The following CNOT7 variants were observed in gnomAD, a reference collection of about 807,000 sequenced individuals.
CNOT7 encodes the protein CCR4-NOT transcription complex subunit 7.
In CNOT7, 4 loss-of-function variants were observed where a neutral mutation model predicts 37.1. That is an observed-to-expected ratio of 0.11 (90% CI 0.05 to 0.25). The LOEUF (loss-of-function observed/expected upper bound fraction) is 0.25, where lower values mean the gene tolerates loss of function less well. Among genes scored for constraint, CNOT7 ranks in the 10% least tolerant of loss-of-function variants. CNOT7 has a pLI of 1.00. For synonymous variants in CNOT7, 128 were observed against 115.6 expected, an observed-to-expected ratio of 1.11 and a Z score of -0.69; for missense variants, 170 against 336.2, an observed-to-expected ratio of 0.51 and a Z score of 3.87.
chr8:17,231,489 A>T, intron 6 of CNOT7: 1 of 980,152 alleles, frequency 1.0e-6, no homozygotes, highest in Non-Finnish European at 1.2e-6. Flanking sequence ...GGATAGTCCA[A>T]ATCACTTCTG....
chr8:17,242,959 A>G (rs1563209458), intron 3 of CNOT7, 33 bp downstream of exon 3: 2 of 1,464,980 alleles, frequency 1.4e-6, no homozygotes, highest in Non-Finnish European at 1.8e-6. Context: ...AAAAAAAAAA[A>G]AAGTCTGGGT....
chr8:17,237,259 A>C lies in CNOT7; in HGVS notation c.426T>G (p.Thr142=), dbSNP rs1488437768. The C allele has an allele frequency of 6.2e-7, 1 of 1,614,122 alleles. No homozygotes were observed. The highest frequency in any genetic ancestry group is 8.5e-7 in the Non-Finnish European group (1 of 1,179,970). ...CCCCTTCACAGAGGACCACTCCAGAAGTCATAAGAAGTTCTGCAAAGTACT... is the reference window on the plus strand; with the variant it reads ...CCCCTTCACAGAGGACCACTCCAGACGTCATAAGAAGTTCTGCAAAGTACT... ...ETQYFAELLM[T]SGVVLCEGVK... is the part of the protein sequence containing the mutation. Residue 142 remains threonine (T), a synonymous_variant, in exon 4 of 7, where the codon ACT becomes ACG. Transcript: ENST00000361272.
Position 17,230,172 on chromosome 8 carries a change from A to G in CNOT7, c.*548T>C, listed in dbSNP as rs1164616392. 1 of 152,540 alleles carries G rather than the reference A, an allele frequency of 6.6e-6. No individual in the cohort carries two copies. The highest frequency in any genetic ancestry group is 1.9e-4 in the East Asian group (1 of 5,198). 9.4% of individuals were successfully genotyped at this position (152,540 alleles called of 1,614,324 possible). On this transcript the variant is annotated 3_prime_UTR_variant, in exon 7 of 7. Transcript: ENST00000361272. ...GAATCGACAGTTTGCACAACGTGCTATATTCTGTGGGTCAAAACCAAGTAA... is the reference window on the plus strand; with the variant it reads ...GAATCGACAGTTTGCACAACGTGCTGTATTCTGTGGGTCAAAACCAAGTAA...
intron 5 of CNOT7, among the ~76,000 whole-genome samples, chr8:17,234,325 C>A (rs1809044315): frequency 1.3e-5 from 2 of 152,218 alleles, no homozygotes; most frequent in Admixed American, 1.3e-4. Flanking sequence ...CTGCATATCG[C>A]TGGCCACCTT....
Position 17,228,859 on chromosome 8 carries a change from A to C in CNOT7, c.*1861T>G, listed in dbSNP as rs770952775. 1.1e-4 allele frequency: 16 copies of C among 152,018 alleles called. No homozygotes were observed. Among genetic ancestry groups the C allele is most frequent in the South Asian group, 2.1e-4 (1 of 4,830 alleles). 9.4% of individuals were successfully genotyped at this position (152,018 alleles called of 1,614,324 possible). On this transcript the variant is annotated 3_prime_UTR_variant, in exon 7 of 7. Transcript: ENST00000361272. ...CAGCTAACAAATCACAAGCGAAAAG[A>C]AGCTTCACTTCCTTTTTAACGAAGA...
rs550591272 is a variant in CNOT7 at position 17,228,672 on chromosome 8, G to T, written c.*2048C>A. 14 of 151,892 alleles carry T rather than the reference G, an allele frequency of 9.2e-5. No individual in the cohort carries two copies. The highest frequency in any genetic ancestry group is 1.8e-4 in the Non-Finnish European group (12 of 67,838). The allele number at this position is 151,892 out of a possible 1,614,324, so 9.4% of individuals were successfully genotyped here. On this transcript the variant is annotated 3_prime_UTR_variant, in exon 7 of 7. Transcript: ENST00000361272. Reference sequence around the variant, plus strand: ...TGAAAAATCATTAAGTCGAAAGTAAGTTAGGGATTATCTATACTTTTTAGG... The same window carrying T: ...TGAAAAATCATTAAGTCGAAAGTAATTTAGGGATTATCTATACTTTTTAGG...
At chr8:17,243,827 T>C (rs542076464) in intron 2 of CNOT7, among the ~76,000 whole-genome samples, 14 of 152,326 alleles carry the variant, frequency 9.2e-5, no homozygotes, top group African/African-American at 3.1e-4. Context: ...ATTTTAGTTC[T>C]AATCATGGGT....
rs773465542 is a variant in CNOT7, at chr8:17,237,295, T to G, written c.390A>C (p.Gly130=). The change falls in exon 4 of 7, where the codon GGA becomes GGC. Residue 130 remains glycine (G), a synonymous_variant. Transcript: ENST00000361272. The part of the protein sequence containing the change: ...GIQFKKHEEE[G]IETQYFAELL... ...GTTCTGCAAAGTACTGGGTTTCAAT[T>G]CCTTCCTCCTCATGTTTTTTAAACT... 2.5e-6 allele frequency: 4 copies of G among 1,613,970 alleles called. No homozygotes were observed. The Admixed American group carries it at 5.0e-5, about 20-fold the overall frequency.
intron 6 of CNOT7, among the ~76,000 whole-genome samples, chr8:17,231,288 T>A (rs1388253568): frequency 6.6e-6 from 1 of 152,044 alleles, no homozygotes; most frequent in Admixed American, 6.6e-5. Context: ...AATCCAAACA[T>A]TCACACTCTA....
chr8:17,237,068 C>A (rs1809466603), intron 4 of CNOT7, 144 bp downstream of exon 4: 3 of 730,004 alleles, frequency 4.1e-6, no homozygotes, highest in Non-Finnish European at 6.8e-6. Flanking sequence ...CCAACATTAG[C>A]CTCCTAAGAG....
Position 17,243,161 on chromosome 8 carries a change from C to T in CNOT7, c.142G>A (p.Ala48Thr). The T allele has an allele frequency of 6.2e-7, 1 of 1,601,448 alleles. No homozygotes were observed. The highest frequency in any genetic ancestry group is 1.8e-5 in the Admixed American group (1 of 56,098). ...CTCCTGAATTCTCCAATGGGTCTTG[C>T]AACCACACCTGGAAACTCGGTGTCC... ...AMDTEFPGVVARPIGEFRSNA... is the reference protein window; with the variant it reads ...AMDTEFPGVVTRPIGEFRSNA... Residue 48 changes from alanine to threonine, a missense_variant, in exon 3 of 7, where the codon GCA (alanine) becomes ACA (threonine). By Grantham distance (58) the Ala-to-Thr change is moderately conservative. This residue lies in a region of CNOT7 where 18 missense variants were observed against 57.0 expected (regional missense o/e 0.32). Transcript: ENST00000361272.
chr8:17,246,674 C>G lies in CNOT7; in HGVS notation c.-96+1G>C, dbSNP rs1417033249. The G allele has an allele frequency of 6.0e-6, 1 of 166,728 alleles. No homozygotes were observed. The highest frequency in any genetic ancestry group is 1.9e-4 in the East Asian group (1 of 5,278). 10.3% of individuals were successfully genotyped at this position (166,728 alleles called of 1,614,324 possible). ...AAGGCTGCAGCGGATGCAAGATCTACTTGTGTCGCTGAGCTCGCGCTCCTC... is the reference window on the plus strand; with the variant it reads ...AAGGCTGCAGCGGATGCAAGATCTAGTTGTGTCGCTGAGCTCGCGCTCCTC... On this transcript the variant is annotated splice_donor_variant, in intron 1 of 6. Transcript: ENST00000361272. LOFTEE classifies it low-confidence loss of function (5UTR_SPLICE).
intron 3 of CNOT7, among the ~76,000 whole-genome samples, chr8:17,241,059 G>A (rs567528380): frequency 7.5e-4 from 114 of 152,260 alleles, no homozygotes; most frequent in African/African-American, 2.6e-3. Flanking sequence ...TAGACTGTGC[G>A]TGTGTGTATA....
At chr8:17,233,991 T>A (rs1034904777) in intron 5 of CNOT7, among the ~76,000 whole-genome samples, 2 of 152,000 alleles carry the variant, frequency 1.3e-5, no homozygotes, top group Non-Finnish European at 2.9e-5. Flanking sequence ...GAGGCGGAGG[T>A]TGCAGTGAGC....
At chr8:17,246,371 C>G (rs1009633448) in intron 1 of CNOT7, 1 of 152,594 alleles carries the variant, frequency 6.6e-6, no homozygotes, top group Non-Finnish European at 1.5e-5. Context: ...ACACTGACTC[C>G]CAAGCACTGC....
At chr8:17,231,412 G>T in intron 6 of CNOT7, 1 of 494,528 alleles carries the variant, frequency 2.0e-6, no homozygotes, top group Non-Finnish European at 2.6e-6. Flanking sequence ...AAATCCAAAA[G>T]GTTGTTTCAA....
chr8:17,242,736 G>C (rs911901422), intron 3 of CNOT7: 1 of 297,562 alleles, frequency 3.4e-6, no homozygotes, highest in African/African-American at 2.2e-5. Flanking sequence ...TCTATCAGAA[G>C]TACTTTCAAT....
In CNOT7 at chr8:17,228,762, C is replaced by CTT. The variant is rs1808323406; in HGVS notation, c.*1956_*1957dup. ...ACTATGTGGCTAATAAAAAGGCAAT[C>CTT]TTTATCATTCCTATTTGAAATCCAG... On this transcript the variant is annotated 3_prime_UTR_variant, in exon 7 of 7. Transcript: ENST00000361272. 6.6e-6 allele frequency: 1 copy of CTT among 151,944 alleles called. No homozygotes were observed. Among genetic ancestry groups the CTT allele is most frequent in the African/African-American group, 2.4e-5 (1 of 41,428 alleles). The allele number at this position is 151,944 out of a possible 1,614,324, so 9.4% of individuals were successfully genotyped here. A position where few individuals can be genotyped will look rare whatever the true frequency, so the allele number is the denominator to read the frequency against.
rs1455076153 is a variant in CNOT7, at chr8:17,225,594, A to C, written c.*5126T>G. The stretch of plus-strand genomic sequence containing the variant: ...TGGAAATTGTCTAGTGATAATGTAC[A>C]TGAATCTTGTTTTCTTGGAATTTTC... On this transcript the variant is annotated 3_prime_UTR_variant, in exon 7 of 7. Transcript: ENST00000361272. The C allele has an allele frequency of 6.6e-6, 1 of 151,830 alleles. No individual in the cohort carries two copies. The highest frequency in any genetic ancestry group is 6.6e-5 in the Admixed American group (1 of 15,234). 9.4% of individuals were successfully genotyped at this position (151,830 alleles called of 1,614,324 possible).
Sources: allele counts gnomAD v4.1 joint callset (sites outside exome capture counted in the v4.1 genomes callset), GRCh38; gene constraint gnomAD v4.1.1; regional missense constraint gnomAD v4.1.1; transcripts MANE v1.5; gene names NCBI Gene and HGNC (gene_info 2026-07-23, HGNC 2026-07-21).